Variants in ROBO1 observed in about 807,000 individuals in gnomAD.
The protein encoded by ROBO1 is roundabout guidance receptor 1.
In ROBO1, 149 loss-of-function variants were observed where a neutral mutation model predicts 195.9. The observed-to-expected ratio is 0.76, with a 90% CI of 0.67 to 0.87. The LOEUF (loss-of-function observed/expected upper bound fraction) is 0.87. Among genes scored for constraint, ROBO1 ranks in the 40% least tolerant of loss-of-function variants. ROBO1 has a pLI of 0.00. For synonymous variants in ROBO1, 816 were observed against 733.2 expected, an observed-to-expected ratio of 1.11 and a Z score of -1.82; for missense variants, 1,933 against 2,068.3, an observed-to-expected ratio of 0.93 and a Z score of 1.27.
At chr3:79,259,079 C>CT (rs902502016) in intron 2 of ROBO1, among the ~76,000 whole-genome samples, 5 of 146,414 alleles carry the variant, frequency 3.4e-5, no homozygotes, top group Non-Finnish European at 4.4e-5. Flanking sequence ...AAATTTCCTA[C>CT]TTTTTTTTCC....
At chr3:79,400,489 C>G (rs2037328292) in intron 2 of ROBO1, among the ~76,000 whole-genome samples, 1 of 152,070 alleles carries the variant, frequency 6.6e-6, no homozygotes, top group Non-Finnish European at 1.5e-5. Flanking sequence ...TGCACTTCTA[C>G]TTTGAAGGCT....
At chr3:79,021,312 T>A (rs755077802) in intron 3 of ROBO1, among the ~76,000 whole-genome samples, 18 of 152,328 alleles carry the variant, frequency 1.2e-4, no homozygotes, top group Non-Finnish European at 1.8e-4. Context: ...GAAGCTTACC[T>A]AGTAATAGAA....
chr3:79,333,485 A>G (rs1471145524), intron 2 of ROBO1, among the ~76,000 whole-genome samples: 4 of 152,080 alleles, frequency 2.6e-5, no homozygotes, highest in Admixed American at 6.6e-5. Flanking sequence ...TAAATCACAC[A>G]TATCCTTATC....
chr3:79,315,246 A>G (rs528847931), intron 2 of ROBO1, among the ~76,000 whole-genome samples: 1 of 152,312 alleles, frequency 6.6e-6, no homozygotes, highest in South Asian at 2.1e-4. Context: ...GTTCAGTACC[A>G]GCCTGGGCCA....
chr3:79,454,124 T>C (rs2039536241), intron 2 of ROBO1, among the ~76,000 whole-genome samples: 1 of 142,382 alleles, frequency 7.0e-6, no homozygotes, highest in Non-Finnish European at 1.5e-5. Flanking sequence ...ATTAATTAAT[T>C]TCATTCCTTT....
intron 3 of ROBO1, chr3:79,018,399 G>A (rs968292648): frequency 1.9e-5 from 31 of 1,613,774 alleles, no homozygotes; most frequent in Non-Finnish European, 2.6e-5. Context: ...AAGAAGACGC[G>A]GGGTTACCTG....
chr3:78,912,926 C>T (rs1351996901), intron 4 of ROBO1, among the ~76,000 whole-genome samples: 4 of 152,020 alleles, frequency 2.6e-5, no homozygotes, highest in Non-Finnish European at 4.4e-5. Flanking sequence ...CCCTCTTGAA[C>T]GTCCAATTTT....
intron 4 of ROBO1, among the ~76,000 whole-genome samples, chr3:78,851,698 G>A (rs1190808456): frequency 2.0e-5 from 3 of 152,066 alleles, no homozygotes; most frequent in African/African-American, 7.2e-5. Context: ...CATCAGTACT[G>A]TCAAGTAACA....
At chr3:78,857,435 T>G (rs1370688992) in intron 4 of ROBO1, among the ~76,000 whole-genome samples, 1 of 152,238 alleles carries the variant, frequency 6.6e-6, no homozygotes, top group Non-Finnish European at 1.5e-5. Flanking sequence ...GTCCTTATTC[T>G]GAGTGTGGTA....
At chr3:78,616,588 C>T (rs1459544199) in intron 27 of ROBO1, among the ~76,000 whole-genome samples, 1 of 152,012 alleles carries the variant, frequency 6.6e-6, no homozygotes, top group African/African-American at 2.4e-5. Flanking sequence ...TGTGAAAAGA[C>T]CATGGAAGAC....
intron 1 of ROBO1, among the ~76,000 whole-genome samples, chr3:79,727,690 AT>A (rs1702979412): frequency 6.6e-6 from 1 of 152,104 alleles, no homozygotes; most frequent in African/African-American, 2.4e-5. Context: ...CTATGGAAAC[AT>A]TTTTCATTTT....
rs925091735 is a variant in ROBO1, at chr3:79,053,752, C to T, written c.172+71704G>A. Among the ~76,000 whole-genome samples the T allele has an allele frequency of 3.9e-5, 6 of 152,042 alleles. No individual in the cohort carries two copies. The South Asian group carries it at 1.2e-3, about 32-fold the overall frequency. On this transcript the variant is annotated intron_variant, in intron 3 of 30. Coordinates refer to ENST00000464233, the MANE Select transcript of ROBO1 (RefSeq NM_002941.4). ...TTATCTACACATGCTTTTCCTGTCA[C>T]TTCTATGCCAACTCCATCTCAGATA... is the stretch of plus-strand genomic sequence containing the variant.
intron 5 of ROBO1, among the ~76,000 whole-genome samples, chr3:78,741,438 A>AT (rs1265738862): frequency 6.6e-6 from 1 of 152,202 alleles, no homozygotes; most frequent in Non-Finnish European, 1.5e-5. Context: ...CTAGGAAAAT[A>AT]TTTGTGATGT....
intron 10 of ROBO1, among the ~76,000 whole-genome samples, chr3:78,683,692 C>G (rs1432471605): frequency 6.6e-6 from 1 of 151,776 alleles, no homozygotes; most frequent in Non-Finnish European, 1.5e-5. Context: ...GATAATCTTT[C>G]CAATAAATTA....
chr3:79,582,628 T>C (rs904113141), intron 2 of ROBO1, among the ~76,000 whole-genome samples: 1 of 152,026 alleles, frequency 6.6e-6, no homozygotes, highest in Non-Finnish European at 1.5e-5. Flanking sequence ...CTTGAATCAC[T>C]CTTCTAAAAT....
intron 2 of ROBO1, among the ~76,000 whole-genome samples, chr3:79,139,232 A>G (rs1043490410): frequency 7.9e-5 from 12 of 152,086 alleles, no homozygotes; most frequent in African/African-American, 2.9e-4. Context: ...TAAATTCGTT[A>G]ATGGATAAGC....
rs545871450 is a variant in ROBO1, at chr3:78,995,186, G to A, written c.173-56259C>T. Among the ~76,000 whole-genome samples, 42 of 152,198 alleles carry A rather than the reference G, an allele frequency of 2.8e-4. 1 individual carries two copies. In the South Asian group the frequency reaches 8.1e-3, roughly 29 times the overall value. ...TAACTGATGATATTCTTTTCTTTCCGTAACTACCGTTGCTTCCAACACAAG... is the reference window on the plus strand; with the variant it reads ...TAACTGATGATATTCTTTTCTTTCCATAACTACCGTTGCTTCCAACACAAG... On this transcript the variant is annotated intron_variant, in intron 3 of 30. Coordinates refer to ENST00000464233, the MANE Select transcript of ROBO1 (RefSeq NM_002941.4).
At chr3:78,923,592 G>GA (rs1482133492) in intron 4 of ROBO1, among the ~76,000 whole-genome samples, 1 of 152,106 alleles carries the variant, frequency 6.6e-6, no homozygotes, top group African/African-American at 2.4e-5. Context: ...AGGGAAGAAA[G>GA]AAATGATGTG....
chr3:78,866,579 A>G (rs961592539), intron 4 of ROBO1, among the ~76,000 whole-genome samples: 17 of 152,212 alleles, frequency 1.1e-4, no homozygotes, highest in Admixed American at 3.3e-4. Context: ...AGCTAGAACC[A>G]GAGATATATT....
Sources: allele counts gnomAD v4.1 joint callset (sites outside exome capture counted in the v4.1 genomes callset), GRCh38; gene constraint gnomAD v4.1.1; transcripts MANE v1.5; gene names NCBI Gene and HGNC (gene_info 2026-07-23, HGNC 2026-07-21).